ABCA13: variants seen among roughly 807,000 people sequenced by gnomAD.
ABCA13 encodes the protein ATP binding cassette subfamily A member 13.
A neutral mutation model predicts 478.7 loss-of-function variants in ABCA13; 476 were observed. The ratio of observed to expected loss-of-function variants is 0.99; its 90% CI spans 0.92 to 1.07. ABCA13 has a LOEUF of 1.07. Ranked by LOEUF, ABCA13 falls within the 50% of genes least tolerant of loss-of-function variation. The probability of loss-of-function intolerance (pLI) is 0.00; values close to 1 mark genes in which losing one functional copy is unlikely to be tolerated. For missense variants in ABCA13, 6,060 were observed against 5,910.6 expected (o/e 1.03, Z -0.83); for synonymous variants, 2,252 against 2,158.9 (o/e 1.04, Z -1.20).
In ABCA13 at chr7:48,330,501, A is replaced by T. The variant is rs145747908; in HGVS notation, c.10000-4921A>T. ...CATCCATCCGTCCATCCATCCATCC[A>T]TCCATCCATCCATCCATCCATATAT... On this transcript the variant is annotated intron_variant, in intron 27 of 61. Transcript: ENST00000435803. 1.5e-4 allele frequency among the ~76,000 whole-genome samples: 22 copies of T among 150,004 alleles called. No homozygotes were observed. The East Asian group carries it at 4.2e-3, about 29-fold the overall frequency.
In ABCA13 at chr7:48,422,018, T is replaced by C. The variant is rs548664352; in HGVS notation, c.12460-5748T>C. Among the ~76,000 whole-genome samples, 25 of 137,530 alleles carry C rather than the reference T, an allele frequency of 1.8e-4. 1 individual carries two copies. In the South Asian group the frequency reaches 5.8e-3, roughly 32 times the overall value. The allele number at this position is 137,530 out of a possible 152,430, so 90.2% of individuals were successfully genotyped here. A position where few individuals can be genotyped will look rare whatever the true frequency, so the allele number is the denominator to read the frequency against. ...ACCTGCCCCACTTCAGCTGCCACTTTCTGTTGGCCCCAAACCCTAATCTGG... is the reference window on the plus strand; with the variant it reads ...ACCTGCCCCACTTCAGCTGCCACTTCCTGTTGGCCCCAAACCCTAATCTGG... On this transcript the variant is annotated intron_variant, in intron 41 of 61. Transcript: ENST00000435803.
intron 3 of ABCA13, among the ~76,000 whole-genome samples, chr7:48,200,776 A>G (rs1264755034): frequency 6.6e-6 from 1 of 152,166 alleles, no homozygotes; most frequent in African/African-American, 2.4e-5. Context: ...GCGTTTTCAT[A>G]TTGGAGTAAG....
intron 56 of ABCA13, among the ~76,000 whole-genome samples, chr7:48,582,496 A>G (rs974236442): frequency 1.3e-5 from 2 of 152,112 alleles, no homozygotes; most frequent in African/African-American, 4.8e-5. Context: ...ATCTTTAGAC[A>G]CATCTGCTGC....
At chr7:48,318,295 A>G (rs1802880213) in intron 27 of ABCA13, among the ~76,000 whole-genome samples, 1 of 151,824 alleles carries the variant, frequency 6.6e-6, no homozygotes, top group Non-Finnish European at 1.5e-5. Flanking sequence ...ACCTCTGCCT[A>G]CTCTGAATGG....
chr7:48,574,700 C>T (rs1321680885), intron 55 of ABCA13, among the ~76,000 whole-genome samples: 1 of 152,134 alleles, frequency 6.6e-6, no homozygotes, highest in East Asian at 1.9e-4. Flanking sequence ...GCTCCTCTGC[C>T]TTTTAGCCAT....
At chr7:48,511,234 T>G in intron 51 of ABCA13, 35 bp downstream of exon 51, 1 of 1,553,492 alleles carries the variant, frequency 6.4e-7, no homozygotes, top group Non-Finnish European at 8.8e-7. Context: ...AGAATTACGG[T>G]TTGTTTTCTG....
chr7:48,494,416 G>C (rs756679418), intron 48 of ABCA13, among the ~76,000 whole-genome samples: 1 of 152,000 alleles, frequency 6.6e-6, no homozygotes, highest in Admixed American at 6.5e-5. Flanking sequence ...ATGCCCTTGA[G>C]AGCTTTGGGT....
At chr7:48,599,677 G>T (rs1790678766) in intron 58 of ABCA13, among the ~76,000 whole-genome samples, 1 of 152,164 alleles carries the variant, frequency 6.6e-6, no homozygotes, top group African/African-American at 2.4e-5. Context: ...GTGTACTGCA[G>T]TATCCAACTC....
intron 1 of ABCA13, among the ~76,000 whole-genome samples, chr7:48,188,127 G>A (rs967278947): frequency 6.6e-6 from 1 of 152,150 alleles, no homozygotes; most frequent in Admixed American, 6.5e-5. Context: ...ATTGGAAATG[G>A]TCAGGACAGC....
chr7:48,453,407 T>C (rs937168940), intron 42 of ABCA13, among the ~76,000 whole-genome samples: 1 of 152,178 alleles, frequency 6.6e-6, no homozygotes, highest in Non-Finnish European at 1.5e-5. Context: ...AATTTGGAAG[T>C]CTAACATGTG....
At chr7:48,266,435 C>G (rs1444653569) in intron 15 of ABCA13, among the ~76,000 whole-genome samples, 1 of 151,680 alleles carries the variant, frequency 6.6e-6, no homozygotes, top group Non-Finnish European at 1.5e-5. Flanking sequence ...ATTACAAATT[C>G]AATTTTTAAT....
intron 55 of ABCA13, among the ~76,000 whole-genome samples, chr7:48,547,157 T>C (rs1275891144): frequency 2.0e-5 from 3 of 148,804 alleles, no homozygotes; most frequent in Non-Finnish European, 4.5e-5. Context: ...AATGCTCATA[T>C]ACAGTGTATA....
chr7:48,568,242 C>T lies in ABCA13; in HGVS notation c.14355-11982C>T, dbSNP rs868103805. Among the ~76,000 whole-genome samples, 41 of 152,140 alleles carry T rather than the reference C, an allele frequency of 2.7e-4. No individual in the cohort carries two copies. In the Middle Eastern group the frequency reaches 0.01, roughly 38 times the overall value. ...TTTCTATCTCCATGGATTTGAGTAT[C>T]CTGGAAATTCCATATAAATAGGTTC... On this transcript the variant is annotated intron_variant, in intron 55 of 61. Transcript: ENST00000435803.
chr7:48,302,996 C>A (rs191746673), intron 23 of ABCA13, among the ~76,000 whole-genome samples: 1 of 152,188 alleles, frequency 6.6e-6, no homozygotes, highest in East Asian at 1.9e-4. Context: ...TCATCAGAAT[C>A]GGTTACTTTT....
Position 48,463,080 on chromosome 7 carries a change from A to C in ABCA13, c.12816-3876A>C, listed in dbSNP as rs114074770. On this transcript the variant is annotated intron_variant, in intron 43 of 61. Coordinates refer to ENST00000435803, the MANE Select transcript of ABCA13 (RefSeq NM_152701.5). Reference sequence around the variant, plus strand: ...TCAGGAAACCATTCTTCTTGGTTTGAGAAAGTCCTGTGTAGGCATGTGCTT... The same window carrying C: ...TCAGGAAACCATTCTTCTTGGTTTGCGAAAGTCCTGTGTAGGCATGTGCTT... Among the ~76,000 whole-genome samples the C allele has an allele frequency of 5.3e-3, 810 of 152,260 alleles. 10 individuals carry two copies. Among genetic ancestry groups the C allele is most frequent in the African/African-American group, 0.019 (773 of 41,538 alleles).
chr7:48,433,911 C>T (rs183828844), intron 42 of ABCA13, among the ~76,000 whole-genome samples: 2 of 152,084 alleles, frequency 1.3e-5, no homozygotes, highest in Admixed American at 1.3e-4. Context: ...TTTGTTTATC[C>T]ATTTATCTGT....
intron 41 of ABCA13, among the ~76,000 whole-genome samples, chr7:48,418,984 G>A (rs1820389399): frequency 6.6e-6 from 1 of 152,212 alleles, no homozygotes; most frequent in Non-Finnish European, 1.5e-5. Flanking sequence ...ATCTGCTTCT[G>A]GGGATGGAAG....
intron 58 of ABCA13, among the ~76,000 whole-genome samples, chr7:48,603,390 T>C (rs1791117194): frequency 6.6e-6 from 1 of 152,204 alleles, no homozygotes; most frequent in Non-Finnish European, 1.5e-5. Context: ...CTTATTATTT[T>C]GCAGTATGTT....
intron 1 of ABCA13, among the ~76,000 whole-genome samples, chr7:48,179,875 C>A (rs1795426399): frequency 6.6e-6 from 1 of 152,204 alleles, no homozygotes; most frequent in South Asian, 2.1e-4. Context: ...AATCATCATG[C>A]ACCTGAGCCC....
Sources: allele counts gnomAD v4.1 joint callset (sites outside exome capture counted in the v4.1 genomes callset), GRCh38; gene constraint gnomAD v4.1.1; transcripts MANE v1.5; gene names NCBI Gene and HGNC (gene_info 2026-07-23, HGNC 2026-07-21).